NBEA: variants seen among roughly 807,000 people sequenced by gnomAD.
The protein encoded by NBEA is lysosomal-trafficking regulator 2.
NBEA carries 44 observed loss-of-function variants against 343.4 expected under a neutral mutation model. That is an observed-to-expected ratio of 0.13 (90% CI 0.10 to 0.16). NBEA has a LOEUF of 0.16. NBEA is among the 10% of genes least tolerant of loss of function. NBEA has a pLI of 1.00. For synonymous variants in NBEA, 1,175 were observed against 1,238.7 expected (o/e 0.95, Z 1.08); for missense variants, 2,555 against 3,631.3 (o/e 0.70, Z 7.62).
At chr13:35,457,831 T>C (rs1424155175) in intron 40 of NBEA, among the ~76,000 whole-genome samples, 1 of 151,188 alleles carries the variant, frequency 6.6e-6, no homozygotes, top group Non-Finnish European at 1.5e-5. Context: ...ATGGTCTCAA[T>C]CTCCTGACCT....
chr13:35,029,786 A>G (rs1443933209), intron 1 of NBEA, among the ~76,000 whole-genome samples: 3 of 151,672 alleles, frequency 2.0e-5, no homozygotes, highest in African/African-American at 7.2e-5. Flanking sequence ...CCAAGTCAGC[A>G]TTTTGTATTT....
intron 30 of NBEA, among the ~76,000 whole-genome samples, chr13:35,188,914 T>G (rs1387978525): frequency 1.4e-5 from 2 of 142,208 alleles, no homozygotes; most frequent in Admixed American, 6.8e-5. Flanking sequence ...TTGTTTTTTT[T>G]TTTTTTTTTG....
intron 41 of NBEA, chr13:35,476,720 TA>T: frequency 9.4e-7 from 1 of 1,064,990 alleles, no homozygotes; most frequent in Non-Finnish European, 1.2e-6. Context: ...GTGGAAATTA[TA>T]AAGGCAGGGC....
At chr13:35,129,965 C>T (rs1330666311) in intron 17 of NBEA, among the ~76,000 whole-genome samples, 1 of 152,052 alleles carries the variant, frequency 6.6e-6, no homozygotes, top group Non-Finnish European at 1.5e-5. Flanking sequence ...GACCCAAATA[C>T]TTAGTGATTT....
intron 11 of NBEA, among the ~76,000 whole-genome samples, chr13:35,106,612 G>A (rs2065930433): frequency 6.6e-6 from 1 of 151,852 alleles, no homozygotes; most frequent in African/African-American, 2.4e-5. Flanking sequence ...ATTCATTTAT[G>A]CATTTATATA....
chr13:35,400,310 T>C (rs2042944997), intron 38 of NBEA, among the ~76,000 whole-genome samples: 1 of 151,778 alleles, frequency 6.6e-6, no homozygotes, highest in Admixed American at 6.6e-5. Context: ...ATATGATTTA[T>C]TGAGCCTCCT....
Position 35,272,762 on chromosome 13 carries a change from G to A in NBEA, c.5777-17627G>A, listed in dbSNP as rs555299700. On this transcript the variant is annotated intron_variant, in intron 34 of 58. Coordinates refer to ENST00000379939, the MANE Select transcript of NBEA (RefSeq NM_001385012.1). Reference sequence around the variant, plus strand: ...ACAAAGATCAAAAGAAACAAAGAAGGCCATTATATAATGGTAAAGGGATCA... The same window carrying A: ...ACAAAGATCAAAAGAAACAAAGAAGACCATTATATAATGGTAAAGGGATCA... 2.8e-4 allele frequency among the ~76,000 whole-genome samples: 42 copies of A among 152,204 alleles called. 1 individual carries two copies. The highest frequency in any genetic ancestry group is 5.0e-4 in the Non-Finnish European group (34 of 68,002).
intron 10 of NBEA, among the ~76,000 whole-genome samples, chr13:35,084,747 G>A: frequency 6.6e-6 from 1 of 152,000 alleles, no homozygotes; most frequent in East Asian, 1.9e-4. Flanking sequence ...CAGAACTAAA[G>A]GAAATAGAGA....
intron 8 of NBEA, among the ~76,000 whole-genome samples, chr13:35,065,208 T>G (rs1430671124): frequency 6.6e-6 from 1 of 152,002 alleles, no homozygotes; most frequent in Admixed American, 6.6e-5. Context: ...CTTTATACTT[T>G]ATACTTGAAA....
chr13:35,404,270 T>C lies in NBEA; in HGVS notation c.6180-27999T>C, dbSNP rs566242832. Among the ~76,000 whole-genome samples, 101 of 152,218 alleles carry C rather than the reference T, an allele frequency of 6.6e-4. No individual in the cohort carries two copies. In the East Asian group the frequency reaches 0.016, roughly 24 times the overall value. The stretch of plus-strand genomic sequence containing the variant: ...ATTACTGGGTATATACCCAAAGGAC[T>C]ATAAATCATGTTGCTATAAAGACAC... On this transcript the variant is annotated intron_variant, in intron 38 of 58. Coordinates refer to ENST00000379939, the MANE Select transcript of NBEA (RefSeq NM_001385012.1).
At chr13:35,611,353 C>T (rs2082514122) in intron 48 of NBEA, among the ~76,000 whole-genome samples, 1 of 152,114 alleles carries the variant, frequency 6.6e-6, no homozygotes, top group South Asian at 2.1e-4. Context: ...TACTAGTTAG[C>T]CATAAAAAAG....
In NBEA at chr13:34,961,572, T is replaced by C. The variant is rs550729718; in HGVS notation, c.294+18458T>C. Among the ~76,000 whole-genome samples the C allele has an allele frequency of 2.4e-4, 36 of 152,230 alleles. No homozygotes were observed. The East Asian group carries it at 3.1e-3, about 13-fold the overall frequency. On this transcript the variant is annotated intron_variant, in intron 1 of 58. Transcript: ENST00000379939. Reference sequence around the variant, plus strand: ...TTCATATCTGGTCACATATCCATTTTATCCCACAAACTTTTATTGATTACT... The same window carrying C: ...TTCATATCTGGTCACATATCCATTTCATCCCACAAACTTTTATTGATTACT...
intron 33 of NBEA, among the ~76,000 whole-genome samples, chr13:35,229,777 T>C (rs2074866728): frequency 6.6e-6 from 1 of 152,148 alleles, no homozygotes; most frequent in Non-Finnish European, 1.5e-5. Flanking sequence ...AGTTTATGTT[T>C]GTACCATTTT....
intron 38 of NBEA, among the ~76,000 whole-genome samples, chr13:35,365,267 G>A (rs571580662): frequency 6.6e-6 from 1 of 151,822 alleles, no homozygotes; most frequent in Non-Finnish European, 1.5e-5. Flanking sequence ...AAGAAAATCA[G>A]CATGTAAATG....
chr13:35,419,254 C>T (rs2044130754), intron 38 of NBEA, among the ~76,000 whole-genome samples: 1 of 152,002 alleles, frequency 6.6e-6, no homozygotes, highest in Non-Finnish European at 1.5e-5. Flanking sequence ...AGTCCAGGAT[C>T]AAAATACCAG....
intron 38 of NBEA, among the ~76,000 whole-genome samples, chr13:35,374,885 G>C (rs1038440704): frequency 6.6e-6 from 1 of 151,832 alleles, no homozygotes; most frequent in African/African-American, 2.4e-5. Flanking sequence ...ATTTATCAAT[G>C]CATTGTACTT....
chr13:35,153,247 A>T (rs539780162), intron 18 of NBEA, among the ~76,000 whole-genome samples: 1 of 151,772 alleles, frequency 6.6e-6, no homozygotes, highest in Admixed American at 6.6e-5. Context: ...GTTAGCCAGG[A>T]TGGTCTCGAT....
intron 39 of NBEA, among the ~76,000 whole-genome samples, chr13:35,449,783 C>T (rs1435377370): frequency 6.6e-6 from 1 of 152,172 alleles, no homozygotes; most frequent in Non-Finnish European, 1.5e-5. Context: ...GAAAAATACA[C>T]ATGGAACCCA....
At chr13:35,156,399 T>G (rs543040749) in intron 20 of NBEA, among the ~76,000 whole-genome samples, 193 bp downstream of exon 20, 1 of 152,120 alleles carries the variant, frequency 6.6e-6, no homozygotes, top group Non-Finnish European at 1.5e-5. Flanking sequence ...TTTATTTTGT[T>G]ACGTGGATAT....
Sources: gnomAD v4.1 joint callset for allele counts (sites outside exome capture counted in the v4.1 genomes callset) on GRCh38, gnomAD v4.1.1 for gene constraint, MANE v1.5 for transcripts, NCBI Gene and HGNC (gene_info 2026-07-23, HGNC 2026-07-21) for gene names.